SLC1A7: variants seen among roughly 807,000 people sequenced by gnomAD.
SLC1A7 encodes the protein solute carrier family 1 member 7, also known as excitatory amino acid transporter 5.
SLC1A7 carries 40 observed loss-of-function variants against 47.7 expected under a neutral mutation model. The observed-to-expected ratio is 0.84, with a 90% CI of 0.65 to 1.09. SLC1A7 has a LOEUF of 1.09. SLC1A7 is among the 50% of genes least tolerant of loss of function. The pLI, the probability that SLC1A7 is intolerant of heterozygous loss-of-function variation, is 0.00. For missense variants in SLC1A7, 746 were observed against 769.5 expected (o/e 0.97, Z 0.36); for synonymous variants, 323 against 325.6 (o/e 0.99, Z 0.09).
intron 1 of SLC1A7, 112 bp downstream of exon 1, chr1:53,142,203 T>A: frequency 8.1e-7 from 1 of 1,238,508 alleles, no homozygotes. Context: ...GGCAGAGGGA[T>A]TCACACACTG....
chr1:53,109,404 T>C (rs1260675904), intron 3 of SLC1A7, among the ~76,000 whole-genome samples: 1 of 152,160 alleles, frequency 6.6e-6, no homozygotes, highest in Non-Finnish European at 1.5e-5. Context: ...GGTTTCTGTT[T>C]TGCGTGCTGC....
At position 53,137,085 on chromosome 1, in the gene SLC1A7, G is replaced by A. The variant is rs533176262; in HGVS notation, c.136-2656C>T. ...GTGGATCACTTGAGGTTAAGAGTTC[G>A]AGACCAGCCCAGCCAACATGGCAAA... is the stretch of plus-strand genomic sequence containing the variant. On this transcript the variant is annotated intron_variant, in intron 1 of 10. Coordinates refer to ENST00000371494, the MANE Select transcript of SLC1A7 (RefSeq NM_006671.6). Among the ~76,000 whole-genome samples, 7 of 152,142 alleles carry A rather than the reference G, an allele frequency of 4.6e-5. No homozygotes were observed. The East Asian group carries it at 5.8e-4, about 13-fold the overall frequency.
intron 3 of SLC1A7, 92 bp downstream of exon 3, chr1:53,114,666 C>CCAT: frequency 9.4e-7 from 1 of 1,065,894 alleles, no homozygotes. Flanking sequence ...GTGATCACCC[C>CCAT]CATCTCCACA....
At chr1:53,135,088 G>A (rs538041985) in intron 1 of SLC1A7, among the ~76,000 whole-genome samples, 3 of 152,238 alleles carry the variant, frequency 2.0e-5, no homozygotes, top group East Asian at 3.9e-4. Flanking sequence ...TTAGCACAGC[G>A]CCTGGATGAC....
intron 5 of SLC1A7, chr1:53,102,186 C>T (rs61433260): frequency 6.6e-6 from 1 of 152,338 alleles, no homozygotes; most frequent in East Asian, 1.9e-4. Context: ...CCCGGCCCCT[C>T]TGCACACCTG....
At chr1:53,092,176 G>C (rs6672896) in intron 7 of SLC1A7, among the ~76,000 whole-genome samples, 4,088 of 152,360 alleles carry the variant, frequency 0.027, 182 homozygotes, top group African/African-American at 0.093. Flanking sequence ...CAGCGGCAGT[G>C]GACAGGCCGA....
chr1:53,087,745 C>G lies in SLC1A7; in HGVS notation c.*264G>C, dbSNP rs1410792312. On this transcript the variant is annotated 3_prime_UTR_variant, in exon 11 of 11. Coordinates refer to ENST00000371494, the MANE Select transcript of SLC1A7 (RefSeq NM_006671.6). The stretch of plus-strand genomic sequence containing the variant: ...GGCCGGATAACCCCTGCCTGCCGCC[C>G]TCACCGGGCTCACACCGGGGAAACT... 2.8e-5 allele frequency: 9 copies of G among 324,890 alleles called. No homozygotes were observed. The highest frequency in any genetic ancestry group is 3.9e-5 in the Non-Finnish European group (7 of 178,174). The allele number at this position is 324,890 out of a possible 1,614,324, so 20.1% of individuals were successfully genotyped here.
intron 5 of SLC1A7, among the ~76,000 whole-genome samples, chr1:53,098,132 C>T (rs1644521904): frequency 6.6e-6 from 1 of 150,968 alleles, no homozygotes; most frequent in Non-Finnish European, 1.5e-5. Context: ...CACCTCAGTA[C>T]ACACACCACG....
chr1:53,140,206 C>T (rs1645042742), intron 1 of SLC1A7, among the ~76,000 whole-genome samples: 1 of 152,188 alleles, frequency 6.6e-6, no homozygotes, highest in Non-Finnish European at 1.5e-5. Flanking sequence ...GCAGGTTAAT[C>T]CAGACTGGAA....
chr1:53,124,319 A>T (rs1644858794), intron 2 of SLC1A7, among the ~76,000 whole-genome samples: 1 of 151,160 alleles, frequency 6.6e-6, no homozygotes, highest in Non-Finnish European at 1.5e-5. Flanking sequence ...ACCCACACCC[A>T]CGCTTGGCTG....
intron 5 of SLC1A7, among the ~76,000 whole-genome samples, chr1:53,094,070 C>A (rs1167591898): frequency 6.6e-6 from 1 of 152,236 alleles, no homozygotes; most frequent in African/African-American, 2.4e-5. Context: ...AGCTTGGAAG[C>A]CATCCCCGAT....
At chr1:53,098,879 T>TGCCTCGGTACACCCACACC (rs1572306418) in intron 5 of SLC1A7, among the ~76,000 whole-genome samples, 2 of 148,022 alleles carry the variant, frequency 1.4e-5, no homozygotes, top group East Asian at 4.1e-4. Context: ...ACACTCACAC[T>TGCCTCGGTACACCCACACC]GCCTCGGTAC....
At position 53,132,978 on chromosome 1, in the gene SLC1A7, G is replaced by A. The variant is rs79545066; in HGVS notation, c.215+1372C>T. The stretch of plus-strand genomic sequence containing the variant: ...ATCTGGGGGCATTGGGCTTGTAGGT[G>A]GTATGTTAAAGCTATGAAATTAGAT... On this transcript the variant is annotated intron_variant, in intron 2 of 10. Coordinates refer to ENST00000371494, the MANE Select transcript of SLC1A7 (RefSeq NM_006671.6). 8.9e-4 allele frequency among the ~76,000 whole-genome samples: 135 copies of A among 152,288 alleles called. 3 individuals carry two copies. The East Asian group carries it at 0.023, about 26-fold the overall frequency.
chr1:53,089,104 G>A, intron 9 of SLC1A7, 125 bp from the exon 10 acceptor site: 1 of 750,638 alleles, frequency 1.3e-6, no homozygotes, highest in Non-Finnish European at 2.3e-6. Flanking sequence ...GCAGCCAGAT[G>A]GCTTCCTGGC....
chr1:53,120,540 C>T (rs1048420638), intron 2 of SLC1A7, among the ~76,000 whole-genome samples: 1 of 152,190 alleles, frequency 6.6e-6, no homozygotes, highest in African/African-American at 2.4e-5. Context: ...TACCTTTGCA[C>T]TGGATGTTCC....
intron 2 of SLC1A7, among the ~76,000 whole-genome samples, chr1:53,123,802 A>C (rs2150339203): frequency 6.6e-6 from 1 of 152,328 alleles, no homozygotes; most frequent in Middle Eastern, 3.4e-3. Context: ...ACAGCGGGCC[A>C]CGTTTCCCCT....
At chr1:53,115,540 C>T (rs1288378) in intron 2 of SLC1A7, 155,313 of 157,166 alleles carry the variant, frequency 0.99, 76,769 homozygotes, top group Middle Eastern at 1. Context: ...AGGACGGCAC[C>T]GCAGGCGGTT....
intron 8 of SLC1A7, 31 bp downstream of exon 8, chr1:53,090,581 C>G (rs1644408859): frequency 6.5e-7 from 1 of 1,539,550 alleles, no homozygotes; most frequent in African/African-American, 1.4e-5. Context: ...AGCCCCCGCC[C>G]CATCCACCCA....
At chr1:53,106,655 A>G (rs1644645959) in intron 3 of SLC1A7, among the ~76,000 whole-genome samples, 1 of 152,144 alleles carries the variant, frequency 6.6e-6, no homozygotes, top group Non-Finnish European at 1.5e-5. Flanking sequence ...AGTCGATGGA[A>G]AAGTCCATGT....
Sources: gnomAD v4.1 joint callset for allele counts (sites outside exome capture counted in the v4.1 genomes callset) on GRCh38, gnomAD v4.1.1 for gene constraint, MANE v1.5 for transcripts, NCBI Gene and HGNC (gene_info 2026-07-23, HGNC 2026-07-21) for gene names.